Variants in MARCHF3 observed in about 807,000 individuals in gnomAD.
The protein encoded by MARCHF3 is membrane associated ring-CH-type finger 3.
MARCHF3 carries 13 observed loss-of-function variants against 24.2 expected under a neutral mutation model. The ratio of observed to expected loss-of-function variants is 0.54; its 90% CI spans 0.35 to 0.85. The LOEUF (loss-of-function observed/expected upper bound fraction) is 0.85. Ranked by LOEUF, MARCHF3 falls within the 40% of genes least tolerant of loss-of-function variation. The pLI is 0.01. For synonymous variants in MARCHF3, 144 were observed against 137.3 expected (o/e 1.05, Z -0.34); for missense variants, 276 against 325.0 (o/e 0.85, Z 1.16).
chr5:126,991,637 C>T (rs1037286898), intron 1 of MARCHF3, among the ~76,000 whole-genome samples: 1 of 151,958 alleles, frequency 6.6e-6, no homozygotes, highest in Non-Finnish European at 1.5e-5. Context: ...AGGAGAATCG[C>T]TTGAACCCAG....
At chr5:126,952,679 C>T (rs1750294555) in intron 1 of MARCHF3, among the ~76,000 whole-genome samples, 1 of 151,680 alleles carries the variant, frequency 6.6e-6, no homozygotes, top group African/African-American at 2.4e-5. Context: ...AATAATATGC[C>T]TAAACGTTTA....
intron 1 of MARCHF3, among the ~76,000 whole-genome samples, chr5:127,001,473 T>C (rs542308744): frequency 6.6e-6 from 1 of 152,322 alleles, no homozygotes; most frequent in East Asian, 1.9e-4. Context: ...TACATAATTC[T>C]TGACTCAAAC....
chr5:126,945,054 C>T (rs79427535), intron 1 of MARCHF3, among the ~76,000 whole-genome samples: 1,592 of 152,252 alleles, frequency 0.01, 20 homozygotes, highest in Non-Finnish European at 0.018. Flanking sequence ...AGGAGATACA[C>T]AATGGTCAAT....
At chr5:126,879,240 C>T (rs1219335120) in intron 3 of MARCHF3, among the ~76,000 whole-genome samples, 1 of 152,202 alleles carries the variant, frequency 6.6e-6, no homozygotes, top group Non-Finnish European at 1.5e-5. Flanking sequence ...CATGCACCTT[C>T]ACCCTTTTCT....
At chr5:127,014,765 A>G (rs928943306) in intron 1 of MARCHF3, among the ~76,000 whole-genome samples, 2 of 152,172 alleles carry the variant, frequency 1.3e-5, no homozygotes, top group African/African-American at 4.8e-5. Flanking sequence ...TTGATCTCAC[A>G]GAAGTAAAAA....
intron 3 of MARCHF3, among the ~76,000 whole-genome samples, chr5:126,896,927 T>C (rs1051246914): frequency 6.6e-6 from 1 of 152,072 alleles, no homozygotes; most frequent in Non-Finnish European, 1.5e-5. Context: ...TTCAAGCTTT[T>C]ATCAGATTCT....
At chr5:126,889,142 G>T (rs1402027330) in intron 3 of MARCHF3, among the ~76,000 whole-genome samples, 1 of 152,118 alleles carries the variant, frequency 6.6e-6, no homozygotes, top group African/African-American at 2.4e-5. Flanking sequence ...CTGGCCCCCA[G>T]ACTGGAAGGT....
intron 1 of MARCHF3, among the ~76,000 whole-genome samples, chr5:126,932,454 T>C (rs572666059): frequency 1.9e-3 from 287 of 152,298 alleles, no homozygotes; most frequent in African/African-American, 6.6e-3. Flanking sequence ...TCATCATTAT[T>C]AGAGTATTAT....
intron 1 of MARCHF3, among the ~76,000 whole-genome samples, chr5:126,927,238 A>G (rs1749325906): frequency 6.6e-6 from 1 of 152,170 alleles, no homozygotes; most frequent in Non-Finnish European, 1.5e-5. Context: ...AAAGTAACAC[A>G]TAGCCAAGGA....
intron 1 of MARCHF3, among the ~76,000 whole-genome samples, chr5:126,987,894 A>G (rs1751621057): frequency 2.0e-5 from 3 of 152,300 alleles, no homozygotes; most frequent in Admixed American, 2.0e-4. Context: ...GGGGCCAAAT[A>G]TCAGAGGACT....
intron 3 of MARCHF3, among the ~76,000 whole-genome samples, chr5:126,883,570 A>T (rs1044367288): frequency 8.5e-5 from 13 of 152,214 alleles, no homozygotes; most frequent in African/African-American, 3.1e-4. Context: ...CTACCTTGCC[A>T]CAGCATCATT....
At chr5:126,880,075 G>A (rs79894675) in intron 3 of MARCHF3, among the ~76,000 whole-genome samples, 2,699 of 152,286 alleles carry the variant, frequency 0.018, 43 homozygotes, top group Non-Finnish European at 0.027. Flanking sequence ...GGAAGGCCAT[G>A]CTCAAGCATG....
chr5:126,899,411 G>T, intron 3 of MARCHF3: 1 of 593,892 alleles, frequency 1.7e-6, no homozygotes. Context: ...TGTCTCACAA[G>T]TGTGTACAGC....
chr5:126,995,943 G>A (rs1422356953), intron 1 of MARCHF3, among the ~76,000 whole-genome samples: 2 of 152,198 alleles, frequency 1.3e-5, no homozygotes, highest in Non-Finnish European at 2.9e-5. Context: ...GAGGAAATTG[G>A]AACAATCTGG....
chr5:127,022,385 AAAGG>A (rs1431390628), intron 1 of MARCHF3, among the ~76,000 whole-genome samples: 1 of 152,210 alleles, frequency 6.6e-6, no homozygotes, highest in African/African-American at 2.4e-5. Context: ...AGAGAATATC[AAAGG>A]AAGGACAACA....
At chr5:126,910,444 C>G (rs1218166326) in intron 3 of MARCHF3, among the ~76,000 whole-genome samples, 1 of 152,194 alleles carries the variant, frequency 6.6e-6, no homozygotes, top group East Asian at 1.9e-4. Flanking sequence ...TTATGTGTTA[C>G]CTCTGCTCCT....
At chr5:126,905,641 C>G (rs1462634088) in intron 3 of MARCHF3, among the ~76,000 whole-genome samples, 1 of 151,890 alleles carries the variant, frequency 6.6e-6, no homozygotes, top group Non-Finnish European at 1.5e-5. Context: ...TATAATAATG[C>G]TTGTGATTTT....
intron 1 of MARCHF3, among the ~76,000 whole-genome samples, chr5:126,977,034 G>A (rs1027175348): frequency 2.0e-5 from 3 of 152,224 alleles, no homozygotes; most frequent in African/African-American, 7.2e-5. Flanking sequence ...GGAGGCACAG[G>A]TTTTATCAGT....
intron 3 of MARCHF3, among the ~76,000 whole-genome samples, chr5:126,891,083 C>G (rs1753671809): frequency 6.6e-6 from 1 of 150,616 alleles, no homozygotes; most frequent in Non-Finnish European, 1.5e-5. Context: ...GCATAAATGT[C>G]TTCTTTTGAG....
Sources: gnomAD v4.1 joint callset for allele counts (sites outside exome capture counted in the v4.1 genomes callset) on GRCh38, gnomAD v4.1.1 for gene constraint, MANE v1.5 for transcripts, NCBI Gene and HGNC (gene_info 2026-07-23, HGNC 2026-07-21) for gene names.